STK32B: variants seen among roughly 807,000 people sequenced by gnomAD.
The protein encoded by STK32B is serine/threonine kinase 32B.
Under a neutral mutation model 52.6 loss-of-function variants are expected in STK32B, and 43 were observed. The observed-to-expected ratio is 0.82, with a 90% CI of 0.64 to 1.05. STK32B has a LOEUF of 1.05. Among genes scored for constraint, STK32B ranks in the 50% least tolerant of loss-of-function variants. The pLI, the probability that STK32B is intolerant of heterozygous loss-of-function variation, is 0.00. For missense variants in STK32B, 621 were observed against 534.6 expected (o/e 1.16, Z -1.59); for synonymous variants, 238 against 204.3 (o/e 1.17, Z -1.41).
At chr4:5,322,974 G>C (rs1476684376) in intron 3 of STK32B, among the ~76,000 whole-genome samples, 5 of 152,184 alleles carry the variant, frequency 3.3e-5, no homozygotes, top group Non-Finnish European at 5.9e-5. Flanking sequence ...AACTGACCTA[G>C]TGACCTTGGA....
chr4:5,310,941 A>G (rs1730254364), intron 3 of STK32B, among the ~76,000 whole-genome samples: 1 of 152,208 alleles, frequency 6.6e-6, no homozygotes, highest in African/African-American at 2.4e-5. Context: ...CAGGCACAGT[A>G]AAGAAAATGT....
chr4:5,456,652 G>A (rs577871219), intron 7 of STK32B, among the ~76,000 whole-genome samples, 155 bp from the exon 8 acceptor site: 109 of 152,220 alleles, frequency 7.2e-4, no homozygotes, highest in Admixed American at 1.7e-3. Flanking sequence ...GTTGGCACTT[G>A]GGTTCGGGCC....
intron 1 of STK32B, among the ~76,000 whole-genome samples, chr4:5,121,534 A>G (rs1715024868): frequency 6.6e-6 from 1 of 152,246 alleles, no homozygotes; most frequent in South Asian, 2.1e-4. Context: ...AATATTAATG[A>G]GAATAGGACC....
At chr4:5,284,478 T>G (rs1190029929) in intron 3 of STK32B, among the ~76,000 whole-genome samples, 2 of 152,170 alleles carry the variant, frequency 1.3e-5, no homozygotes, top group African/African-American at 4.8e-5. Flanking sequence ...TGGTTTTTTT[T>G]GTCTTATCAA....
chr4:5,320,356 A>T (rs192127153), intron 3 of STK32B, among the ~76,000 whole-genome samples: 1 of 152,266 alleles, frequency 6.6e-6, no homozygotes. Flanking sequence ...CTTGATTTTC[A>T]TTACTAAGGC....
intron 3 of STK32B, among the ~76,000 whole-genome samples, chr4:5,178,974 G>A (rs530132179): frequency 1.6e-4 from 24 of 152,260 alleles, no homozygotes; most frequent in African/African-American, 5.8e-4. Context: ...TCCCTATAGC[G>A]GTGCCTTACT....
intron 2 of STK32B, chr4:5,140,162 C>G: frequency 6.9e-7 from 1 of 1,452,970 alleles, no homozygotes; most frequent in Non-Finnish European, 9.4e-7. Flanking sequence ...CACAACAGCC[C>G]TGGTTTAGGT....
At chr4:5,257,750 C>A (rs1726422868) in intron 3 of STK32B, among the ~76,000 whole-genome samples, 1 of 152,182 alleles carries the variant, frequency 6.6e-6, no homozygotes, top group African/African-American at 2.4e-5. Flanking sequence ...TGAGACCAGC[C>A]TGGCCAACAT....
chr4:5,256,347 G>A (rs1726297782), intron 3 of STK32B, among the ~76,000 whole-genome samples: 1 of 152,166 alleles, frequency 6.6e-6, no homozygotes, highest in Admixed American at 6.5e-5. Context: ...GAGTGTTTAA[G>A]CTTGGTCTCC....
At chr4:5,059,891 G>T (rs527806043) in intron 1 of STK32B, among the ~76,000 whole-genome samples, 84 of 152,246 alleles carry the variant, frequency 5.5e-4, no homozygotes, top group African/African-American at 1.9e-3. Context: ...TTAAGTTTTT[G>T]TATCAATGTT....
At chr4:5,494,823 C>T (rs1161069566) in intron 11 of STK32B, among the ~76,000 whole-genome samples, 2 of 152,126 alleles carry the variant, frequency 1.3e-5, no homozygotes, top group Non-Finnish European at 2.9e-5. Context: ...TTTATTTCTC[C>T]TTCACTTTTG....
chr4:5,297,635 GTTT>G (rs200463444), intron 3 of STK32B, among the ~76,000 whole-genome samples: 12,696 of 126,888 alleles, frequency 0.1, 614 homozygotes, highest in South Asian at 0.18. Flanking sequence ...GGTCATTTAT[GTTT>G]TTTTTTTTTT....
chr4:5,411,032 C>T (rs1006720296), intron 5 of STK32B, among the ~76,000 whole-genome samples: 2 of 151,854 alleles, frequency 1.3e-5, no homozygotes, highest in South Asian at 2.1e-4. Context: ...CCTAAAGGCC[C>T]CATCTCTTTT....
intron 1 of STK32B, among the ~76,000 whole-genome samples, chr4:5,079,586 A>G (rs1344080623): frequency 6.6e-6 from 1 of 152,124 alleles, no homozygotes; most frequent in Non-Finnish European, 1.5e-5. Context: ...CTTTATCTTC[A>G]CCCTTAAACA....
In STK32B at chr4:5,446,805, G is replaced by A. The variant is rs755533072; in HGVS notation, c.666+29G>A. 1.8e-5 allele frequency: 29 copies of A among 1,608,562 alleles called. No homozygotes were observed. In the South Asian group the frequency reaches 2.3e-4, roughly 13 times the overall value. On this transcript the variant is annotated intron_variant, in intron 7 of 11. Transcript: ENST00000282908. ...AGACAGGCACCTGTGCGGTACACAC[G>A]AGGGGCTGTGCAGTGGGGGCTCACG...
chr4:5,416,985 A>T, intron 6 of STK32B, 51 bp downstream of exon 6: 2 of 1,513,126 alleles, frequency 1.3e-6, no homozygotes, highest in Non-Finnish European at 9.0e-7. Context: ...ACTGCCTAAG[A>T]CTCAGCATCC....
In STK32B at chr4:5,317,534, T is replaced by A. The variant is rs113795358; in HGVS notation, c.261-13686T>A. On this transcript the variant is annotated intron_variant, in intron 3 of 11. Coordinates refer to ENST00000282908, the MANE Select transcript of STK32B (RefSeq NM_018401.3). ...TATAATATATTTATTATATATATATTACATGTATATATATATATATATATA... is the reference window on the plus strand; with the variant it reads ...TATAATATATTTATTATATATATATAACATGTATATATATATATATATATA... Among the ~76,000 whole-genome samples the A allele has an allele frequency of 7.0e-5, 7 of 99,996 alleles. 2 individuals carry two copies. In the East Asian group the frequency reaches 7.8e-4, roughly 11 times the overall value. 65.6% of individuals were successfully genotyped at this position (99,996 alleles called of 152,430 possible). A position where few individuals can be genotyped will look rare whatever the true frequency, so the allele number is the denominator to read the frequency against.
chr4:5,347,240 C>G (rs1006137028), intron 4 of STK32B, among the ~76,000 whole-genome samples: 4 of 152,226 alleles, frequency 2.6e-5, no homozygotes, highest in African/African-American at 7.2e-5. Context: ...CAGAGCCTGA[C>G]TCTTAGATTT....
intron 11 of STK32B, among the ~76,000 whole-genome samples, chr4:5,490,805 C>G (rs139349553): frequency 0.013 from 1,902 of 152,130 alleles, 31 homozygotes; most frequent in African/African-American, 0.043. Context: ...TTCCCAACTA[C>G]GAGTGAGAAT....
Sources: gnomAD v4.1 joint callset for allele counts (sites outside exome capture counted in the v4.1 genomes callset) on GRCh38, gnomAD v4.1.1 for gene constraint, MANE v1.5 for transcripts, NCBI Gene and HGNC (gene_info 2026-07-23, HGNC 2026-07-21) for gene names.